EDA: variants seen among roughly 807,000 people sequenced by gnomAD.
EDA encodes ectodysplasin-A.
In EDA, 2 loss-of-function variants were observed where a neutral mutation model predicts 23.6. The observed-to-expected ratio is 0.08, with a 90% CI of 0.03 to 0.27. EDA has a LOEUF of 0.27. EDA is among the 10% of genes least tolerant of loss of function. The probability of loss-of-function intolerance (pLI) is 1.00; values close to 1 mark genes in which losing one functional copy is unlikely to be tolerated. For missense variants in EDA, 229 were observed against 324.2 expected, an observed-to-expected ratio of 0.71 and a Z score of 2.26; for synonymous variants, 131 against 132.0, an observed-to-expected ratio of 0.99 and a Z score of 0.05.
At chrX:69,987,122 G>A (rs752219940) in intron 2 of EDA, among the ~76,000 whole-genome samples, 8 of 83,251 alleles carry the variant, frequency 9.6e-5, no homozygotes, top group Middle Eastern at 5.3e-3. Context: ...TGGGGACTGT[G>A]GTGGGGTCGG....
At chrX:69,769,321 A>G (rs931244334) in intron 1 of EDA, among the ~76,000 whole-genome samples, 7 of 111,851 alleles carry the variant, frequency 6.3e-5, no homozygotes, top group Non-Finnish European at 9.4e-5. Context: ...TTGCACTTCT[A>G]TCAGTGATCC....
chrX:69,716,272 A>G (rs745357874), intron 1 of EDA, among the ~76,000 whole-genome samples: 2 of 111,930 alleles, frequency 1.8e-5, no homozygotes, highest in Admixed American at 1.9e-4. Context: ...ATCCAGTTTC[A>G]ATCTTTTGCA....
intron 1 of EDA, among the ~76,000 whole-genome samples, chrX:69,623,303 T>G (rs1932254453): frequency 8.9e-6 from 1 of 112,291 alleles, no homozygotes; most frequent in Non-Finnish European, 1.9e-5. Flanking sequence ...TCCATGAACA[T>G]GCCCAGCAGA....
rs570932138 is a variant in EDA at position 69,816,176 on chromosome X, A to G, written c.397-140851A>G. ...ACAAGATCAACAAAAAGGACCCCAC[A>G]AAAACCTCATTCAAAGGTCAGCAAT... On this transcript the variant is annotated intron_variant, in intron 1 of 7. Transcript: ENST00000374552. Among the ~76,000 whole-genome samples the G allele has an allele frequency of 8.0e-4, 89 of 111,900 alleles. 1 individual carries two copies. The South Asian group carries it at 0.032, about 41-fold the overall frequency.
intron 1 of EDA, among the ~76,000 whole-genome samples, chrX:69,702,552 G>A (rs2011564147): frequency 9.1e-6 from 1 of 110,280 alleles, no homozygotes; most frequent in African/African-American, 3.3e-5. Flanking sequence ...TGGGAAGATG[G>A]CGACTGAGAA....
chrX:69,753,973 G>A (rs972469591), intron 1 of EDA, among the ~76,000 whole-genome samples: 12 of 109,583 alleles, frequency 1.1e-4, no homozygotes, highest in African/African-American at 1.3e-4. Context: ...GTTTCTGCAC[G>A]TGAGATGGAT....
At chrX:69,663,222 G>A (rs992469001) in intron 1 of EDA, among the ~76,000 whole-genome samples, 2 of 111,600 alleles carry the variant, frequency 1.8e-5, no homozygotes, top group Admixed American at 9.5e-5. Context: ...AGGTTTCCAC[G>A]GCAGCCCCTG....
chrX:69,843,059 A>G (rs1196104037), intron 1 of EDA, among the ~76,000 whole-genome samples: 1 of 112,095 alleles, frequency 8.9e-6, no homozygotes, highest in Non-Finnish European at 1.9e-5. Flanking sequence ...TATAGTAAAG[A>G]AAGTGCCTTC....
At chrX:69,760,708 G>A (rs1409084669) in intron 1 of EDA, among the ~76,000 whole-genome samples, 1 of 111,997 alleles carries the variant, frequency 8.9e-6, no homozygotes, top group Non-Finnish European at 1.9e-5. Context: ...TGAGGCCAGG[G>A]TAAGGTTAGT....
intron 4 of EDA, among the ~76,000 whole-genome samples, chrX:70,028,285 G>C (rs1362531069): frequency 1.8e-5 from 2 of 111,430 alleles, no homozygotes; most frequent in Non-Finnish European, 3.8e-5. Flanking sequence ...CAACCCTTCT[G>C]TTACAAGCCC....
rs935436674 is a variant in EDA, at chrX:69,888,978, TTATATATATATA to T, written c.397-68017_397-68006del. 5.2e-3 allele frequency among the ~76,000 whole-genome samples: 84 copies of T among 16,016 alleles called. 5 individuals carry two copies. In the East Asian group the frequency reaches 0.084, roughly 16 times the overall value. The allele number at this position is 16,016 out of a possible 115,157, so 13.9% of individuals were successfully genotyped here. ...GTGGAATTGTTGTATTGTGGGGTAG[TTATATATATATA>T]TATATATATATATATATATATATAT... is the stretch of plus-strand genomic sequence containing the variant. On this transcript the variant is annotated intron_variant, in intron 1 of 7. Transcript: ENST00000374552.
At chrX:69,871,925 C>T (rs895840611) in intron 1 of EDA, among the ~76,000 whole-genome samples, 2 of 111,924 alleles carry the variant, frequency 1.8e-5, no homozygotes, top group African/African-American at 6.5e-5. Context: ...ACAAAAAGAT[C>T]ATCACCTAGG....
intron 1 of EDA, among the ~76,000 whole-genome samples, chrX:69,631,693 A>G (rs1932600458): frequency 9.3e-6 from 1 of 107,592 alleles, no homozygotes; most frequent in Non-Finnish European, 1.9e-5. Flanking sequence ...TAAATGTTAT[A>G]CTTTCCTGTG....
At chrX:69,669,948 T>A (rs1195432945) in intron 1 of EDA, among the ~76,000 whole-genome samples, 1 of 112,156 alleles carries the variant, frequency 8.9e-6, no homozygotes, top group Non-Finnish European at 1.9e-5. Context: ...TACAACAGTA[T>A]TGGAATATTC....
chrX:70,024,403 T>C (rs1362573747), intron 3 of EDA, among the ~76,000 whole-genome samples: 3 of 112,607 alleles, frequency 2.7e-5, no homozygotes, highest in Non-Finnish European at 5.6e-5. Flanking sequence ...GCCAGGGAGC[T>C]GGAGTCAGTG....
chrX:69,764,666 T>A (rs2014419667), intron 1 of EDA, among the ~76,000 whole-genome samples: 2 of 111,771 alleles, frequency 1.8e-5, no homozygotes, highest in Non-Finnish European at 3.8e-5. Flanking sequence ...TGAAAAATAT[T>A]TCCTACTTTT....
At chrX:69,800,427 A>G (rs1371189134) in intron 1 of EDA, among the ~76,000 whole-genome samples, 2 of 111,694 alleles carry the variant, frequency 1.8e-5, no homozygotes, top group Non-Finnish European at 3.8e-5. Flanking sequence ...TACATGGGTA[A>G]TGGATACCCT....
At position 69,665,492 on chromosome X, in the gene EDA, C is replaced by T. The variant is rs187146122; in HGVS notation, c.396+48788C>T. 4.7e-3 allele frequency among the ~76,000 whole-genome samples: 519 copies of T among 111,465 alleles called. 2 individuals carry two copies. Among genetic ancestry groups the T allele is most frequent in the Non-Finnish European group, 7.4e-3 (390 of 53,010 alleles). On this transcript the variant is annotated intron_variant, in intron 1 of 7. Transcript: ENST00000374552. ...CCATTTGAATTTATTATGGTATAAG[C>T]TAAAGATTCAATTTTATTCTTTTGC...
At chrX:69,861,617 T>G (rs1337157526) in intron 1 of EDA, among the ~76,000 whole-genome samples, 1 of 111,419 alleles carries the variant, frequency 9.0e-6, no homozygotes, top group Non-Finnish European at 1.9e-5. Flanking sequence ...CAAAATAAAT[T>G]TAGGCATATG....
Sources: gnomAD v4.1 joint callset for allele counts (sites outside exome capture counted in the v4.1 genomes callset) on GRCh38, gnomAD v4.1.1 for gene constraint, MANE v1.5 for transcripts, NCBI Gene and HGNC (gene_info 2026-07-23, HGNC 2026-07-21) for gene names.